Variants in RGS7 observed in about 807,000 individuals in gnomAD.
The protein encoded by RGS7 is regulator of G-protein signaling 7.
A neutral mutation model predicts 81.1 loss-of-function variants in RGS7; 27 were observed. The ratio of observed to expected loss-of-function variants is 0.33; its 90% CI spans 0.25 to 0.46. RGS7 has a LOEUF of 0.46. Among genes scored for constraint, RGS7 ranks in the 20% least tolerant of loss-of-function variants. The pLI, the probability that RGS7 is intolerant of heterozygous loss-of-function variation, is 1.00. For synonymous variants in RGS7, 208 were observed against 207.7 expected (o/e 1.00, Z -0.01); for missense variants, 396 against 607.4 (o/e 0.65, Z 3.66).
chr1:241,277,609 A>T (rs1243563582), intron 2 of RGS7, among the ~76,000 whole-genome samples: 1 of 133,876 alleles, frequency 7.5e-6, no homozygotes, highest in Non-Finnish European at 1.6e-5. Context: ...ATAAAACGAG[A>T]CTCCATCTCA....
rs555944648 is a variant in RGS7, at chr1:241,236,372, C to T, written c.78+119327G>A. ...TTTCTCTTTCAGTGTGTAGAGTTAG[C>T]CATAAAGCAAATTGACAGATACTGA... On this transcript the variant is annotated intron_variant, in intron 2 of 18. Transcript: ENST00000440928. 3.3e-5 allele frequency among the ~76,000 whole-genome samples: 5 copies of T among 152,160 alleles called. No homozygotes were observed. The East Asian group carries it at 7.7e-4, about 24-fold the overall frequency.
At chr1:241,311,950 A>G (rs2080560225) in intron 2 of RGS7, among the ~76,000 whole-genome samples, 1 of 152,240 alleles carries the variant, frequency 6.6e-6, no homozygotes, top group African/African-American at 2.4e-5. Context: ...TCCTTTTATC[A>G]GCAAATAGAT....
At chr1:241,149,257 C>T (rs1237446083) in intron 2 of RGS7, among the ~76,000 whole-genome samples, 1 of 152,154 alleles carries the variant, frequency 6.6e-6, no homozygotes, top group Non-Finnish European at 1.5e-5. Flanking sequence ...ACCTCCACCT[C>T]TCAGGTTCAG....
At position 241,277,446 on chromosome 1, in the gene RGS7, T is replaced by C. The variant is rs1451980486; in HGVS notation, c.78+78253A>G. Reference sequence around the variant, plus strand: ...CATCCTGGCTAACATGGTGAAACCCTGTCTCTACTAAAAATACAAAAAATT... The same window carrying C: ...CATCCTGGCTAACATGGTGAAACCCCGTCTCTACTAAAAATACAAAAAATT... On this transcript the variant is annotated intron_variant, in intron 2 of 18. Transcript: ENST00000440928. Among the ~76,000 whole-genome samples the C allele has an allele frequency of 7.9e-5, 12 of 152,012 alleles. No individual in the cohort carries two copies. The East Asian group carries it at 1.4e-3, about 17-fold the overall frequency.
intron 9 of RGS7, among the ~76,000 whole-genome samples, chr1:240,852,743 A>G (rs1364043830): frequency 6.6e-6 from 1 of 152,156 alleles, no homozygotes; most frequent in Non-Finnish European, 1.5e-5. Context: ...TCTCACAATC[A>G]AAGGTAAGTA....
chr1:241,192,252 C>CGT (rs56677676), intron 2 of RGS7, among the ~76,000 whole-genome samples: 1,267 of 124,740 alleles, frequency 0.01, 14 homozygotes, highest in African/African-American at 0.013. Flanking sequence ...TCTGTCTGCA[C>CGT]GTGTGTGTGT....
At chr1:241,176,181 T>G (rs2071128093) in intron 2 of RGS7, among the ~76,000 whole-genome samples, 1 of 152,140 alleles carries the variant, frequency 6.6e-6, no homozygotes, top group Admixed American at 6.5e-5. Context: ...TCCTTTTAAG[T>G]ACAATATGGG....
At chr1:240,785,216 A>G (rs1684862068) in intron 18 of RGS7, among the ~76,000 whole-genome samples, 1 of 152,140 alleles carries the variant, frequency 6.6e-6, no homozygotes, top group South Asian at 2.1e-4. Context: ...GTGGCCTTTC[A>G]GACTCTTTAC....
At chr1:241,273,556 T>C (rs1915869) in intron 2 of RGS7, among the ~76,000 whole-genome samples, 64,716 of 151,898 alleles carry the variant, frequency 0.43, 14,020 homozygotes, top group Admixed American at 0.5. Flanking sequence ...TGCCTCCAAG[T>C]AGTGCTCTCT....
chr1:241,200,793 G>C (rs1187574110), intron 2 of RGS7, among the ~76,000 whole-genome samples: 1 of 152,124 alleles, frequency 6.6e-6, no homozygotes, highest in Non-Finnish European at 1.5e-5. Context: ...CATTTCCCAA[G>C]ATTCTGTTCT....
At chr1:241,352,142 C>T (rs568585281) in intron 2 of RGS7, among the ~76,000 whole-genome samples, 1 of 152,228 alleles carries the variant, frequency 6.6e-6, no homozygotes, top group South Asian at 2.1e-4. Context: ...TTGTCTAAAG[C>T]CGACCAAAAA....
chr1:241,309,804 G>A (rs2080399485), intron 2 of RGS7, among the ~76,000 whole-genome samples: 1 of 152,222 alleles, frequency 6.6e-6, no homozygotes, highest in Admixed American at 6.5e-5. Flanking sequence ...AAATGCAAAT[G>A]TTAGAATTAA....
At position 241,014,780 on chromosome 1, in the gene RGS7, A is replaced by C. The variant is rs372201482; in HGVS notation, c.176-31651T>G. 1.2e-4 allele frequency among the ~76,000 whole-genome samples: 19 copies of C among 152,258 alleles called. 1 individual carries two copies. The East Asian group carries it at 1.7e-3, about 14-fold the overall frequency. On this transcript the variant is annotated intron_variant, in intron 3 of 18. Coordinates refer to ENST00000440928, the MANE Select transcript of RGS7 (RefSeq NM_001364886.1). ...TTCCATATAAGTGGTAGAAACAACTATGAAAATCTTGAGGACGAATACATC... is the reference window on the plus strand; with the variant it reads ...TTCCATATAAGTGGTAGAAACAACTCTGAAAATCTTGAGGACGAATACATC...
intron 10 of RGS7, among the ~76,000 whole-genome samples, chr1:240,824,653 G>A (rs1162286193): frequency 1.3e-5 from 2 of 152,200 alleles, no homozygotes; most frequent in African/African-American, 2.4e-5. Context: ...TCACAAGCAC[G>A]AATCACGTAC....
At chr1:240,813,305 C>T (rs904762369) in intron 13 of RGS7, among the ~76,000 whole-genome samples, 7 of 152,146 alleles carry the variant, frequency 4.6e-5, no homozygotes, top group South Asian at 2.1e-4. Flanking sequence ...TTTGTGGCTA[C>T]GTGAATTTTC....
chr1:240,843,335 A>C (rs1572376026), intron 9 of RGS7, among the ~76,000 whole-genome samples: 1 of 151,940 alleles, frequency 6.6e-6, no homozygotes, highest in African/African-American at 2.4e-5. Context: ...GTGTGATCTC[A>C]GCTCACTGTA....
chr1:241,030,341 G>A (rs1266573570), intron 3 of RGS7, among the ~76,000 whole-genome samples: 2 of 97,564 alleles, frequency 2.0e-5, no homozygotes, highest in African/African-American at 7.3e-5. Flanking sequence ...GAGTTGCTTT[G>A]TTTTTTCCAG....
At chr1:241,181,125 C>T (rs949427821) in intron 2 of RGS7, among the ~76,000 whole-genome samples, 8 of 152,148 alleles carry the variant, frequency 5.3e-5, no homozygotes, top group Non-Finnish European at 7.4e-5. Context: ...GATTCTATAA[C>T]GGTGGACACA....
intron 2 of RGS7, among the ~76,000 whole-genome samples, chr1:241,142,717 C>A (rs1290286211): frequency 6.6e-6 from 1 of 152,156 alleles, no homozygotes; most frequent in Non-Finnish European, 1.5e-5. Context: ...TCAGACATGC[C>A]CTGGAGGCAT....
Sources: gnomAD v4.1 joint callset for allele counts (sites outside exome capture counted in the v4.1 genomes callset) on GRCh38, gnomAD v4.1.1 for gene constraint, MANE v1.5 for transcripts, NCBI Gene and HGNC (gene_info 2026-07-23, HGNC 2026-07-21) for gene names.